TUSC3: variants seen among roughly 807,000 people sequenced by gnomAD.
TUSC3 encodes the protein tumor suppressor candidate 3.
Under a neutral mutation model 44.8 loss-of-function variants are expected in TUSC3, and 45 were observed. The ratio of observed to expected loss-of-function variants is 1.00; its 90% CI spans 0.79 to 1.29. The LOEUF (loss-of-function observed/expected upper bound fraction) is 1.29, where lower values mean the gene tolerates loss of function less well. Ranked by LOEUF, TUSC3 falls within the 50% of genes most tolerant of loss-of-function variation. The pLI, the probability that TUSC3 is intolerant of heterozygous loss-of-function variation, is 0.00. For missense variants in TUSC3, 519 were observed against 437.9 expected (o/e 1.19, Z -1.65); for synonymous variants, 212 against 152.9 (o/e 1.39, Z -2.85).
chr8:15,785,257 A>C, the TUSC3 span, among the ~76,000 whole-genome samples: 1 of 151,748 alleles, frequency 6.6e-6, no homozygotes, highest in Non-Finnish European at 1.5e-5. Flanking sequence ...ATATAGAAAG[A>C]AACTGTAAAT....
At chr8:15,555,230 C>A (rs907936430) in intron 1 of TUSC3, among the ~76,000 whole-genome samples, 2 of 131,786 alleles carry the variant, frequency 1.5e-5, no homozygotes, top group African/African-American at 5.8e-5. Context: ...CTTACTGCAA[C>A]CTCTGCCTCC....
intron 2 of TUSC3, among the ~76,000 whole-genome samples, chr8:15,502,988 C>T (rs546447454): frequency 1.1e-3 from 165 of 152,222 alleles, no homozygotes; most frequent in Non-Finnish European, 2.1e-3. Context: ...AGGTATTTTA[C>T]TTACAGGGTT....
At chr8:15,488,791 G>A (rs926305581) in intron 2 of TUSC3, among the ~76,000 whole-genome samples, 7 of 152,136 alleles carry the variant, frequency 4.6e-5, no homozygotes, top group Non-Finnish European at 1.0e-4. Flanking sequence ...AAATCTGACG[G>A]TGCCTTGATC....
At chr8:15,851,910 G>C in the TUSC3 span, among the ~76,000 whole-genome samples, 2 of 152,220 alleles carry the variant, frequency 1.3e-5, no homozygotes, top group East Asian at 3.9e-4. Flanking sequence ...CTGTTCTCGT[G>C]GTAGTGGGTA....
chr8:15,687,637 C>T (rs900761139), intron 6 of TUSC3, among the ~76,000 whole-genome samples: 1 of 152,118 alleles, frequency 6.6e-6, no homozygotes, highest in Non-Finnish European at 1.5e-5. Context: ...GCCCAGACTG[C>T]TCTTACACTT....
At chr8:15,747,919 G>T (rs565161733) in intron 8 of TUSC3, among the ~76,000 whole-genome samples, 29 of 152,070 alleles carry the variant, frequency 1.9e-4, no homozygotes, top group African/African-American at 6.0e-4. Flanking sequence ...TAAAATTATT[G>T]CATAGCATCG....
rs561776103 is a variant in TUSC3 at position 15,532,460 on chromosome 8, G to A, written n.189+48977G>A. Among the ~76,000 whole-genome samples the A allele has an allele frequency of 3.3e-5, 5 of 152,270 alleles. No homozygotes were observed. The South Asian group carries it at 6.2e-4, about 19-fold the overall frequency. On this transcript the variant is annotated intron_variant and non_coding_transcript_variant, in intron 2 of 5. Transcript: ENST00000503191. Reference sequence around the variant, plus strand: ...TAAGATAAGCCCTGGAAAGACCATAGATCCACAGGAAAAACTATGGTCCGT... The same window carrying A: ...TAAGATAAGCCCTGGAAAGACCATAAATCCACAGGAAAAACTATGGTCCGT...
chr8:15,650,348 C>G (rs1199503384), intron 2 of TUSC3, among the ~76,000 whole-genome samples: 2 of 151,958 alleles, frequency 1.3e-5, no homozygotes, highest in Admixed American at 6.6e-5. Context: ...TTTTTATTCC[C>G]TAGAGTAAGA....
At chr8:15,548,461 C>G (rs940441840) in intron 1 of TUSC3, among the ~76,000 whole-genome samples, 1 of 151,806 alleles carries the variant, frequency 6.6e-6, no homozygotes, top group Admixed American at 6.6e-5. Flanking sequence ...GGGAAATTTT[C>G]TCATCCTGTC....
chr8:15,802,011 G>A, the TUSC3 span, among the ~76,000 whole-genome samples: 1 of 152,110 alleles, frequency 6.6e-6, no homozygotes, highest in African/African-American at 2.4e-5. Context: ...GCTGTTCTTC[G>A]AGAAGAATCT....
At chr8:15,679,195 G>C (rs1808309716) in intron 6 of TUSC3, among the ~76,000 whole-genome samples, 2 of 152,080 alleles carry the variant, frequency 1.3e-5, no homozygotes, top group African/African-American at 4.8e-5. Flanking sequence ...ACTTTCCACA[G>C]TGGCTGAACT....
At chr8:15,762,796 T>C (rs529110882) in intron 10 of TUSC3, among the ~76,000 whole-genome samples, 7 of 152,218 alleles carry the variant, frequency 4.6e-5, no homozygotes, top group African/African-American at 1.7e-4. Context: ...AATGCCACAG[T>C]TCATGTACAG....
At chr8:15,440,108 T>G (rs1800001296) in intron 1 of TUSC3, among the ~76,000 whole-genome samples, 1 of 152,184 alleles carries the variant, frequency 6.6e-6, no homozygotes, top group East Asian at 1.9e-4. Flanking sequence ...ATAATTGCCC[T>G]GAAAGAAGGA....
chr8:15,822,674 C>A, the TUSC3 span, among the ~76,000 whole-genome samples: 1 of 151,992 alleles, frequency 6.6e-6, no homozygotes, highest in Non-Finnish European at 1.5e-5. Flanking sequence ...GATAAGGAAC[C>A]AGCAAAGGGG....
chr8:15,731,662 A>T (rs966087663), intron 7 of TUSC3, among the ~76,000 whole-genome samples: 10 of 152,172 alleles, frequency 6.6e-5, no homozygotes, highest in South Asian at 4.1e-4. Context: ...CTTCAGTTTT[A>T]TGTACAATAC....
At chr8:15,424,731 T>A (rs968790405) in intron 1 of TUSC3, among the ~76,000 whole-genome samples, 4 of 151,952 alleles carry the variant, frequency 2.6e-5, no homozygotes, top group Non-Finnish European at 5.9e-5. Context: ...ATACAAAAAA[T>A]TAGCCAGGCG....
At chr8:15,820,122 C>A in the TUSC3 span, among the ~76,000 whole-genome samples, 5 of 152,094 alleles carry the variant, frequency 3.3e-5, no homozygotes, top group African/African-American at 1.2e-4. Context: ...TCATATCCCA[C>A]TTCTTTATTC....
intron 2 of TUSC3, among the ~76,000 whole-genome samples, chr8:15,508,703 C>A (rs1192683798): frequency 6.6e-6 from 1 of 152,042 alleles, no homozygotes; most frequent in Non-Finnish European, 1.5e-5. Flanking sequence ...CCTTGTGATT[C>A]ACCCGCCTGG....
At chr8:15,820,744 T>G in the TUSC3 span, among the ~76,000 whole-genome samples, 1 of 152,210 alleles carries the variant, frequency 6.6e-6, no homozygotes, top group African/African-American at 2.4e-5. Context: ...GAGATTAGTG[T>G]TATTTCTTCT....
Sources: allele counts gnomAD v4.1 joint callset (sites outside exome capture counted in the v4.1 genomes callset), GRCh38; gene constraint gnomAD v4.1.1; transcripts MANE v1.5; gene names NCBI Gene and HGNC (gene_info 2026-07-23, HGNC 2026-07-21).